MYO5B: variants seen among roughly 807,000 people sequenced by gnomAD.
MYO5B encodes the protein myosin VB.
Under a neutral mutation model 229.3 loss-of-function variants are expected in MYO5B, and 143 were observed. That is an observed-to-expected ratio of 0.62 (90% CI 0.54 to 0.72). MYO5B has a LOEUF of 0.72. Ranked by LOEUF, MYO5B falls within the 30% of genes least tolerant of loss-of-function variation. The pLI, the probability that MYO5B is intolerant of heterozygous loss-of-function variation, is 0.00. For synonymous variants in MYO5B, 918 were observed against 885.2 expected (o/e 1.04, Z -0.66); for missense variants, 2,321 against 2,331.0 (o/e 1.00, Z 0.09).
intron 23 of MYO5B, chr18:49,879,360 G>T (rs887411918): frequency 2.7e-4 from 131 of 481,852 alleles, no homozygotes; most frequent in Non-Finnish European, 4.0e-4. Context: ...CTCAGTTGAT[G>T]CCCCAGCCTC....
chr18:49,852,035 C>T (rs978701062), intron 31 of MYO5B, among the ~76,000 whole-genome samples: 2 of 152,212 alleles, frequency 1.3e-5, no homozygotes, highest in African/African-American at 4.8e-5. Flanking sequence ...CAGGCCCCTA[C>T]TCATGACCCA....
In MYO5B at chr18:50,048,083, TATAATAATA is replaced by T. The variant is rs35442968; in HGVS notation, c.138+7176_138+7184del. On this transcript the variant is annotated intron_variant, in intron 2 of 39. Coordinates refer to ENST00000285039, the MANE Select transcript of MYO5B (RefSeq NM_001080467.3). ...TGCACATGTACCCAAAACCTTTAAG[TATAATAATA>T]ATAATAATAATAAAGTGTACAAAAA... Among the ~76,000 whole-genome samples, 16 of 148,368 alleles carry T rather than the reference TATAATAATA, an allele frequency of 1.1e-4. No individual in the cohort carries two copies. In the South Asian group the frequency reaches 1.5e-3, roughly 14 times the overall value.
chr18:49,922,373 G>A (rs1489720367), intron 17 of MYO5B, among the ~76,000 whole-genome samples: 1 of 152,164 alleles, frequency 6.6e-6, no homozygotes, highest in Non-Finnish European at 1.5e-5. Context: ...CAATGGTGCT[G>A]AGTCAAAATA....
chr18:49,937,149 T>G, intron 15 of MYO5B, 96 bp downstream of exon 15: 1 of 1,470,190 alleles, frequency 6.8e-7, no homozygotes, highest in African/African-American at 1.4e-5. Context: ...AAGGCTGCTG[T>G]GATGGCTTCC....
chr18:50,155,344 A>G (rs1352872040), intron 1 of MYO5B, among the ~76,000 whole-genome samples: 1 of 152,004 alleles, frequency 6.6e-6, no homozygotes, highest in Non-Finnish European at 1.5e-5. Flanking sequence ...TTATTCTACT[A>G]TCATCTTTTA....
At chr18:49,954,123 T>C (rs1273350036) in intron 13 of MYO5B, among the ~76,000 whole-genome samples, 190 bp downstream of exon 13, 1 of 151,478 alleles carries the variant, frequency 6.6e-6, no homozygotes, top group Non-Finnish European at 1.5e-5. Context: ...CCTGTGAAGT[T>C]ATGCCTTGTG....
intron 1 of MYO5B, among the ~76,000 whole-genome samples, chr18:50,121,196 A>C (rs755403007): frequency 1.6e-4 from 24 of 152,162 alleles, no homozygotes; most frequent in Non-Finnish European, 3.4e-4. Context: ...CTCCTGCAGT[A>C]GCACCATCAG....
chr18:49,956,765 G>A (rs1323359234), intron 12 of MYO5B, among the ~76,000 whole-genome samples: 1 of 152,142 alleles, frequency 6.6e-6, no homozygotes, highest in African/African-American at 2.4e-5. Flanking sequence ...CCTCGTCTAG[G>A]CAGGTTCTGT....
chr18:49,930,355 T>C (rs1014174167), intron 16 of MYO5B, among the ~76,000 whole-genome samples: 1 of 152,180 alleles, frequency 6.6e-6, no homozygotes, highest in African/African-American at 2.4e-5. Flanking sequence ...TTCAGAGATA[T>C]GTGCACCATT....
chr18:49,839,372 T>C (rs1332920658), intron 35 of MYO5B, 78 bp from the exon 36 acceptor site: 1 of 1,550,294 alleles, frequency 6.5e-7, no homozygotes, highest in Non-Finnish European at 8.8e-7. Context: ...CTGGTAACTT[T>C]AGTCATCTAT....
At chr18:50,000,892 C>T (rs2026039029) in intron 5 of MYO5B, among the ~76,000 whole-genome samples, 1 of 152,172 alleles carries the variant, frequency 6.6e-6, no homozygotes, top group African/African-American at 2.4e-5. Context: ...TCTGACCCAG[C>T]AGGCCCTCAA....
chr18:50,140,635 C>A (rs554993693), intron 1 of MYO5B, among the ~76,000 whole-genome samples: 1 of 152,326 alleles, frequency 6.6e-6, no homozygotes, highest in Admixed American at 6.5e-5. Context: ...AAAACCAATT[C>A]TTTCCATTCA....
Position 49,937,279 on chromosome 18 carries a change from G to A in MYO5B, c.1871C>T (p.Ser624Phe). The A allele has an allele frequency of 6.2e-7, 1 of 1,614,138 alleles. No homozygotes were observed. Among genetic ancestry groups the A allele is most frequent in the Non-Finnish European group, 8.5e-7 (1 of 1,180,010 alleles). The change falls in exon 15 of 40, where the codon TCC becomes TTC. Residue 624 changes from serine to phenylalanine, a missense_variant. Physicochemically the swap from Ser to Phe is radical, Grantham distance 155. Around this residue, in one of 2 missense-constraint regions of MYO5B, gnomAD observed 2,113 missense variants for 2,044.7 expected, o/e 1.03. Coordinates refer to ENST00000285039, the MANE Select transcript of MYO5B (RefSeq NM_001080467.3). Reference sequence around the variant, plus strand: ...AACGGTTTTCTTGTGCTCCTTGTTGGAGACTTTCATGGGGGGTCTGGCAGA... The same window carrying A: ...AACGGTTTTCTTGTGCTCCTTGTTGAAGACTTTCATGGGGGGTCTGGCAGA... ...VRSARPPMKV[S>F]NKEHKKTVGH...
chr18:49,940,698 G>C (rs1461241218), intron 14 of MYO5B, among the ~76,000 whole-genome samples: 1 of 152,178 alleles, frequency 6.6e-6, no homozygotes, highest in Non-Finnish European at 1.5e-5. Flanking sequence ...TTTTGGATAA[G>C]ATCAAGCATA....
At chr18:50,143,918 T>C (rs1705507) in intron 1 of MYO5B, among the ~76,000 whole-genome samples, 149,302 of 152,274 alleles carry the variant, frequency 0.98, 73,265 homozygotes, top group East Asian at 1. Context: ...GCACACCATA[T>C]GCATGGAATA....
chr18:49,896,635 A>G (rs1471727701), intron 21 of MYO5B, among the ~76,000 whole-genome samples: 1 of 152,166 alleles, frequency 6.6e-6, no homozygotes, highest in South Asian at 2.1e-4. Flanking sequence ...GTCTCTAGGT[A>G]GAGCTTGTTG....
In MYO5B at chr18:50,040,257, C is replaced by A. The variant is rs755183341; in HGVS notation, c.196G>T (p.Asp66Tyr). 5.0e-6 allele frequency: 8 copies of A among 1,613,992 alleles called. No homozygotes were observed. The highest frequency in any genetic ancestry group is 2.2e-5 in the South Asian group (2 of 91,066). Residue 66 changes from aspartate to tyrosine, a missense_variant, in exon 3 of 40, where the codon GAT (aspartate) becomes TAT (tyrosine). Asp to Tyr is a radical substitution (Grantham distance 160). Transcript: ENST00000285039. ...AGGTCATTTTCTCCCACCAAGATATCTGGATTCCGTAAGAAGGGCAGCTGG... is the reference window on the plus strand; with the variant it reads ...AGGTCATTTTCTCCCACCAAGATATATGGATTCCGTAAGAAGGGCAGCTGG... Reference protein sequence around the residue: ...RNQLPFLRNPDILVGENDLTA... With the variant: ...RNQLPFLRNPYILVGENDLTA...
intron 2 of MYO5B, among the ~76,000 whole-genome samples, chr18:50,052,910 G>A (rs925190274): frequency 6.6e-6 from 1 of 152,170 alleles, no homozygotes; most frequent in Non-Finnish European, 1.5e-5. Context: ...TGTCTTCCTG[G>A]AAGATAATCT....
intron 4 of MYO5B, among the ~76,000 whole-genome samples, chr18:50,026,421 T>C (rs1179484546): frequency 2.0e-5 from 3 of 152,248 alleles, no homozygotes; most frequent in Non-Finnish European, 4.4e-5. Context: ...GTTTTCCATA[T>C]ATAATAAATG....
Sources: allele counts gnomAD v4.1 joint callset (sites outside exome capture counted in the v4.1 genomes callset), GRCh38; gene constraint gnomAD v4.1.1; regional missense constraint gnomAD v4.1.1; transcripts MANE v1.5; gene names NCBI Gene and HGNC (gene_info 2026-07-23, HGNC 2026-07-21).